PARVB: variants seen among roughly 807,000 people sequenced by gnomAD.
The protein encoded by PARVB is parvin beta.
In PARVB, 46 loss-of-function variants were observed where a neutral mutation model predicts 47.0. The observed-to-expected ratio is 0.98, with a 90% CI of 0.77 to 1.25. The LOEUF (loss-of-function observed/expected upper bound fraction) is 1.25. Among genes scored for constraint, PARVB ranks in the 50% most tolerant of loss-of-function variants. PARVB has a pLI of 0.00. For missense variants in PARVB, 473 were observed against 471.6 expected (o/e 1.00, Z -0.03); for synonymous variants, 196 against 196.3 (o/e 1.00, Z 0.01).
intron 2 of PARVB, among the ~76,000 whole-genome samples, chr22:44,099,066 C>T (rs962596445): frequency 2.6e-5 from 4 of 152,184 alleles, no homozygotes; most frequent in Admixed American, 1.3e-4. Flanking sequence ...TCAACTGTGT[C>T]CTGGCCATCT....
At chr22:44,100,924 C>T (rs2052428355) in intron 3 of PARVB, among the ~76,000 whole-genome samples, 1 of 152,184 alleles carries the variant, frequency 6.6e-6, no homozygotes, top group African/African-American at 2.4e-5. Flanking sequence ...CGAGCTTGGG[C>T]ACCCCGGGAT....
At chr22:44,168,374 GCC>G (rs989363395) in intron 12 of PARVB, 35 of 513,210 alleles carry the variant, frequency 6.8e-5, no homozygotes, top group Non-Finnish European at 1.2e-4. Flanking sequence ...CACCCCAGGT[GCC>G]TGTCCCCGCA....
intron 4 of PARVB, among the ~76,000 whole-genome samples, chr22:44,122,684 A>G (rs1441247658): frequency 6.6e-6 from 1 of 151,410 alleles, no homozygotes; most frequent in Non-Finnish European, 1.5e-5. Flanking sequence ...TATCCTTCTT[A>G]TGTTTCTTTA....
chr22:44,126,376 T>C lies in PARVB; in HGVS notation c.377-5111T>C, dbSNP rs139160775. Among the ~76,000 whole-genome samples the C allele has an allele frequency of 5.7e-3, 870 of 152,336 alleles. 12 individuals carry two copies. The highest frequency in any genetic ancestry group is 0.02 in the African/African-American group (834 of 41,570). On this transcript the variant is annotated intron_variant, in intron 4 of 12. Transcript: ENST00000338758. ...TTAAAAACGTTAGTGGCCAAAGTTT[T>C]GATGTTTTGCATTGCAGTATCAGTA...
chr22:44,004,966 G>A (rs1452828774), intron 2 of PARVB, among the ~76,000 whole-genome samples: 1 of 152,174 alleles, frequency 6.6e-6, no homozygotes, highest in East Asian at 1.9e-4. Flanking sequence ...GGTTCTCAGG[G>A]ACAGTGCTGT....
In PARVB at chr22:44,093,974, G is replaced by A. The variant is rs754586676; in HGVS notation, c.159G>A (p.Met53Ile). 1.2e-6 allele frequency: 2 copies of A among 1,613,670 alleles called. No individual in the cohort carries two copies. The highest frequency in any genetic ancestry group is 1.7e-6 in the Non-Finnish European group (2 of 1,179,686). The change falls in exon 2 of 13, where the codon ATG (methionine) becomes ATA (isoleucine). Residue 53 changes from methionine to isoleucine, a missense_variant. Coordinates refer to ENST00000338758, the MANE Select transcript of PARVB (RefSeq NM_013327.5). The part of the protein sequence containing the change: ...EEGKNAINSP[M>I]SPALVDVHPE... ...GCAAGAATGCCATCAACTCACCGAT[G>A]TCCCCCGCCCTGGTGGATGTTCACC...
In PARVB at chr22:44,138,018, C is replaced by T. The variant is rs1439321380; in HGVS notation, c.692+1500C>T. 5.3e-5 allele frequency among the ~76,000 whole-genome samples: 8 copies of T among 152,172 alleles called. No individual in the cohort carries two copies. The South Asian group carries it at 1.2e-3, about 24-fold the overall frequency. On this transcript the variant is annotated intron_variant, in intron 7 of 12. Coordinates refer to ENST00000338758, the MANE Select transcript of PARVB (RefSeq NM_013327.5). ...TGAGGACAGCAAGGAGGAGCTGGGC[C>T]CCCTGCCATAAAACTAGAATGGTCC... is the stretch of plus-strand genomic sequence containing the variant.
At chr22:44,153,778 A>C (rs1415019951) in intron 10 of PARVB, among the ~76,000 whole-genome samples, 1 of 152,032 alleles carries the variant, frequency 6.6e-6, no homozygotes, top group African/African-American at 2.4e-5. Context: ...TGCTCGATCT[A>C]TCGGTCTGTC....
At chr22:44,111,955 G>A (rs139413898) in intron 3 of PARVB, 16 of 152,044 alleles carry the variant, frequency 1.1e-4, no homozygotes, top group African/African-American at 3.1e-4. Context: ...GGGAGGCTGC[G>A]GGTCAGAAGG....
chr22:44,042,547 G>A (rs937932913), intron 1 of PARVB, among the ~76,000 whole-genome samples: 2 of 152,224 alleles, frequency 1.3e-5, no homozygotes, highest in African/African-American at 2.4e-5. Context: ...GAACTGGCCC[G>A]TGTCTTCACA....
intron 1 of PARVB, among the ~76,000 whole-genome samples, chr22:44,041,445 T>C (rs868068389): frequency 1.3e-5 from 2 of 151,880 alleles, no homozygotes; most frequent in African/African-American, 4.8e-5. Context: ...TGAACTGAAA[T>C]TGTGCCACTG....
chr22:44,045,915 G>A (rs530059753), intron 1 of PARVB, among the ~76,000 whole-genome samples: 3 of 152,256 alleles, frequency 2.0e-5, no homozygotes, highest in South Asian at 4.1e-4. Flanking sequence ...TCGAGATTCC[G>A]TATGAGTTTT....
At chr22:44,109,442 T>C (rs2052640775) in intron 3 of PARVB, 1 of 152,252 alleles carries the variant, frequency 6.6e-6, no homozygotes, top group Non-Finnish European at 1.5e-5. Context: ...GCCCACAGGA[T>C]TCAGGGCTGG....
At chr22:44,051,068 C>T (rs2284152) in intron 1 of PARVB, among the ~76,000 whole-genome samples, 78,442 of 151,954 alleles carry the variant, frequency 0.52, 20,720 homozygotes, top group Non-Finnish European at 0.57. Context: ...CTCACTGCTG[C>T]GGGCTTCAAG....
At chr22:44,099,102 G>A (rs1249770847) in intron 2 of PARVB, among the ~76,000 whole-genome samples, 3 of 152,184 alleles carry the variant, frequency 2.0e-5, no homozygotes, top group Non-Finnish European at 4.4e-5. Context: ...GGGGGTAACT[G>A]GCTTCTGCCT....
At chr22:44,156,625 ATTGT>A (rs746700858) in intron 10 of PARVB, among the ~76,000 whole-genome samples, 45 of 152,300 alleles carry the variant, frequency 3.0e-4, no homozygotes, top group Admixed American at 5.2e-4. Flanking sequence ...AATTCTGGAG[ATTGT>A]TTGTACAATA....
rs576419596 is a variant in PARVB, at chr22:44,113,896, C to G, written c.274-5142C>G. 4 of 50,848 alleles carry G rather than the reference C, an allele frequency of 7.9e-5. 1 individual carries two copies. Among genetic ancestry groups the G allele is most frequent in the Non-Finnish European group, 1.4e-4 (4 of 28,194 alleles). The allele number at this position is 50,848 out of a possible 1,614,324, so 3.1% of individuals were successfully genotyped here. ...CTGCACCAACACAGATACATTGTTACTAAGTAAGGCCCTGCACCAACACAG... is the reference window on the plus strand; with the variant it reads ...CTGCACCAACACAGATACATTGTTAGTAAGTAAGGCCCTGCACCAACACAG... On this transcript the variant is annotated intron_variant, in intron 3 of 12. Transcript: ENST00000338758.
chr22:44,055,678 C>CTCTCTATATATATATATATATATATA (rs1438284048), intron 1 of PARVB, among the ~76,000 whole-genome samples: 1 of 142,680 alleles, frequency 7.0e-6, no homozygotes, highest in African/African-American at 2.6e-5. Flanking sequence ...CTCTCTCTCT[C>CTCTCTATATATATATATATATATATA]TATATATATA....
intron 10 of PARVB, chr22:44,153,178 C>T (rs2053846949): frequency 6.6e-6 from 1 of 152,162 alleles, no homozygotes; most frequent in Non-Finnish European, 1.5e-5. Context: ...AGATTATTTT[C>T]TGTTTGAGAC....
Sources: gnomAD v4.1 joint callset for allele counts (sites outside exome capture counted in the v4.1 genomes callset) on GRCh38, gnomAD v4.1.1 for gene constraint, MANE v1.5 for transcripts, NCBI Gene and HGNC (gene_info 2026-07-23, HGNC 2026-07-21) for gene names.